MOV10L1: variants seen among roughly 807,000 people sequenced by gnomAD.
The protein encoded by MOV10L1 is Mov10 like RNA helicase 1.
In MOV10L1, 110 loss-of-function variants were observed where a neutral mutation model predicts 143.8. That is an observed-to-expected ratio of 0.76 (90% CI 0.66 to 0.90). MOV10L1 has a LOEUF of 0.90. MOV10L1 is among the 40% of genes least tolerant of loss of function. The pLI is 0.00. For missense variants in MOV10L1, 1,406 were observed against 1,526.8 expected, an observed-to-expected ratio of 0.92 and a Z score of 1.32; for synonymous variants, 593 against 581.1, an observed-to-expected ratio of 1.02 and a Z score of -0.29.
chr22:50,117,495 A>G, intron 9 of MOV10L1, 144 bp downstream of exon 9: 4 of 836,608 alleles, frequency 4.8e-6, no homozygotes, highest in Non-Finnish European at 5.4e-6. Context: ...TCTTTCCATG[A>G]TTGTATTTGG....
Position 50,117,362 on chromosome 22 carries a change from T to C in MOV10L1, c.1454+11T>C. The C allele has an allele frequency of 6.2e-7, 1 of 1,610,944 alleles. No homozygotes were observed. Among genetic ancestry groups the C allele is most frequent in the Non-Finnish European group, 8.5e-7 (1 of 1,178,160 alleles). Reference sequence around the variant, plus strand: ...GACCGCACAGAAAAGGTACCATAACTGAAATGAGTGTGGCTCTTGGTCTGG... The same window carrying C: ...GACCGCACAGAAAAGGTACCATAACCGAAATGAGTGTGGCTCTTGGTCTGG... On this transcript the variant is annotated intron_variant, in intron 9 of 26. Transcript: ENST00000262794.
intron 3 of MOV10L1, among the ~76,000 whole-genome samples, chr22:50,104,367 A>G (rs1026395116): frequency 2.6e-5 from 4 of 152,168 alleles, no homozygotes; most frequent in African/African-American, 9.7e-5. Flanking sequence ...GCTTGTGGAA[A>G]GCACTAGCAG....
At chr22:50,134,486 C>A in intron 14 of MOV10L1, 44 bp from the exon 15 acceptor site, 1 of 1,529,318 alleles carries the variant, frequency 6.5e-7, no homozygotes, top group East Asian at 2.3e-5. Context: ...ATTTTTTTAG[C>A]TTTTTAGTTA....
rs116255337 is a variant in MOV10L1 at position 50,150,732 on chromosome 22, C to T, written c.2728-3C>T. On this transcript the variant is annotated splice_polypyrimidine_tract_variant and splice_region_variant and intron_variant, in intron 20 of 26. Transcript: ENST00000262794. ...TGAGCTGAGACGGGCCCTCTGTGTG[C>T]AGATCGTGCTGGCAGGAGACCCCAT... The T allele has an allele frequency of 2.2e-4, 347 of 1,613,532 alleles. 1 individual carries two copies. In the African/African-American group the frequency reaches 4.3e-3, roughly 20 times the overall value.
At chr22:50,090,491 G>A (rs1186160986) in intron 1 of MOV10L1, 2 of 1,610,088 alleles carry the variant, frequency 1.2e-6, no homozygotes, top group Non-Finnish European at 1.7e-6. Flanking sequence ...GTTCCTCCCT[G>A]TCCGCAGCGT....
Position 50,142,314 on chromosome 22 carries a change from C to T in MOV10L1, c.2179+125C>T, listed in dbSNP as rs941168479. ...TAGGGGGCGTGTGGCCTGTGACAGG[C>T]GGCTGCCGTCTCCACCCTGACTGGA... On this transcript the variant is annotated intron_variant, in intron 16 of 26. Transcript: ENST00000262794. 1.2e-4 allele frequency: 72 copies of T among 619,894 alleles called. No individual in the cohort carries two copies. In the East Asian group the frequency reaches 2.0e-3, roughly 18 times the overall value. 38.4% of individuals were successfully genotyped at this position (619,894 alleles called of 1,614,324 possible). A position where few individuals can be genotyped will look rare whatever the true frequency, so the allele number is the denominator to read the frequency against.
chr22:50,123,963 C>T (rs955293030), intron 10 of MOV10L1, among the ~76,000 whole-genome samples: 3 of 152,026 alleles, frequency 2.0e-5, no homozygotes, highest in Admixed American at 6.6e-5. Flanking sequence ...TTTTTATTTC[C>T]GTAGATTCTG....
intron 9 of MOV10L1, among the ~76,000 whole-genome samples, chr22:50,119,533 T>G (rs1278597808): frequency 1.3e-5 from 2 of 152,032 alleles, no homozygotes; most frequent in African/African-American, 4.8e-5. Context: ...AACCACATTT[T>G]GTTAATCCAG....
chr22:50,143,110 G>A lies in MOV10L1; in HGVS notation c.2247G>A (p.Gln749=), dbSNP rs2063037572. The A allele has an allele frequency of 1.2e-6, 2 of 1,614,182 alleles. No individual in the cohort carries two copies. ...TCAACCCAGTGCTAAATGAAAATCA[G>A]AAGTTAGCAGTTAAAAGGATTCTGA... ...EFFNPVLNEN[Q]KLAVKRILSG... Residue 749 remains glutamine, a synonymous_variant, in exon 17 of 27, where the codon CAG becomes CAA. Transcript: ENST00000262794.
intron 5 of MOV10L1, among the ~76,000 whole-genome samples, chr22:50,111,597 G>A (rs2062023518): frequency 7.0e-6 from 1 of 143,518 alleles, no homozygotes; most frequent in Non-Finnish European, 1.5e-5. Context: ...TCCACCTCCT[G>A]GGTTCACGCC....
At chr22:50,098,214 T>TTAAGTATTAAGATTAACATCTTAATAA (rs1207577290) in intron 2 of MOV10L1, among the ~76,000 whole-genome samples, 1 of 87,582 alleles carries the variant, frequency 1.1e-5, no homozygotes, top group South Asian at 4.4e-4. Flanking sequence ...TTAATAATAA[T>TTAAGTATTAAGATTAACATCTTAATAA]TAAGTATTAA....
In MOV10L1 at chr22:50,099,445, A is replaced by G. The variant is rs2062679968; in HGVS notation, c.285A>G (p.Val95=). The G allele has an allele frequency of 2.5e-6, 4 of 1,613,706 alleles. No individual in the cohort carries two copies. Among genetic ancestry groups the G allele is most frequent in the Non-Finnish European group, 3.4e-6 (4 of 1,179,788 alleles). ...KVSNGLKAIR[V]EAVSDKWEDD... The stretch of plus-strand genomic sequence containing the variant: ...AGAGCGGTGTGTTTGTTTTACAGGT[A>G]GAAGCTGTCTCTGATAAGTGGGAAG... Residue 95 remains valine (V), a splice_region_variant and synonymous_variant, in exon 3 of 27, where the codon GTA becomes GTG. Coordinates refer to ENST00000262794, the MANE Select transcript of MOV10L1 (RefSeq NM_018995.3).
At chr22:50,103,706 T>G (rs1218018452) in intron 3 of MOV10L1, among the ~76,000 whole-genome samples, 1 of 152,006 alleles carries the variant, frequency 6.6e-6, no homozygotes, top group Admixed American at 6.6e-5. Context: ...GTTTCACAGG[T>G]TCTTATTGTA....
intron 11 of MOV10L1, 51 bp downstream of exon 11, chr22:50,125,620 AC>A (rs765133250): frequency 4.5e-6 from 7 of 1,545,934 alleles, no homozygotes; most frequent in Non-Finnish European, 6.2e-6. Context: ...GAGAAACCAT[AC>A]TTGAGAGAAG....
intron 10 of MOV10L1, among the ~76,000 whole-genome samples, chr22:50,124,508 TG>T (rs2062438562): frequency 6.6e-6 from 1 of 152,234 alleles, no homozygotes; most frequent in South Asian, 2.1e-4. Context: ...TTGGGATTCT[TG>T]AATATGCGGC....
Position 50,120,679 on chromosome 22 carries a change from A to G in MOV10L1, c.1569+63A>G. 4.1e-6 allele frequency: 5 copies of G among 1,206,864 alleles called. No individual in the cohort carries two copies. The South Asian group carries it at 6.7e-5, about 16-fold the overall frequency. 74.8% of individuals were successfully genotyped at this position (1,206,864 alleles called of 1,614,324 possible). A position where few individuals can be genotyped will look rare whatever the true frequency, so the allele number is the denominator to read the frequency against. On this transcript the variant is annotated intron_variant, in intron 10 of 26. Coordinates refer to ENST00000262794, the MANE Select transcript of MOV10L1 (RefSeq NM_018995.3). ...TTCTAATGCTCTTGTTTTCTGACAAAGCCAGGAGGTTCCTTCTCAGGTTCA... is the reference window on the plus strand; with the variant it reads ...TTCTAATGCTCTTGTTTTCTGACAAGGCCAGGAGGTTCCTTCTCAGGTTCA...
At chr22:50,156,119 C>A (rs2063421871) in intron 22 of MOV10L1, among the ~76,000 whole-genome samples, 3 of 141,882 alleles carry the variant, frequency 2.1e-5, no homozygotes, top group African/African-American at 7.7e-5. Flanking sequence ...ATGTTAAAAA[C>A]TTTTTTTTTT....
chr22:50,117,134 A>T (rs747702918), intron 8 of MOV10L1, 23 bp from the exon 9 acceptor site: 3 of 1,587,088 alleles, frequency 1.9e-6, no homozygotes, highest in Non-Finnish European at 2.6e-6. Flanking sequence ...ACTAAAACTA[A>T]ATTTCATTTT....
chr22:50,120,297 T>C (rs1312922273), intron 9 of MOV10L1, among the ~76,000 whole-genome samples: 1 of 152,162 alleles, frequency 6.6e-6, no homozygotes, highest in African/African-American at 2.4e-5. Flanking sequence ...GTAGAGCACT[T>C]GTGGGAACTG....
Sources: gnomAD v4.1 joint callset for allele counts (sites outside exome capture counted in the v4.1 genomes callset) on GRCh38, gnomAD v4.1.1 for gene constraint, MANE v1.5 for transcripts, NCBI Gene and HGNC (gene_info 2026-07-23, HGNC 2026-07-21) for gene names.